ZNF222: variants seen among roughly 807,000 people sequenced by gnomAD.
ZNF222 encodes the protein zinc finger protein 222.
In ZNF222, 8 loss-of-function variants were observed where a neutral mutation model predicts 11.6. The observed-to-expected ratio is 0.69, with a 90% confidence interval of 0.41 to 1.25. The LOEUF (loss-of-function observed/expected upper bound fraction) is 1.25, where lower values mean the gene tolerates loss of function less well. Ranked by LOEUF, ZNF222 falls within the 50% of genes most tolerant of loss-of-function variation. The probability of loss-of-function intolerance (pLI) is 0.01; values close to 1 mark genes in which losing one functional copy is unlikely to be tolerated. For missense variants in ZNF222, 483 were observed against 576.1 expected (o/e 0.84, Z 1.65); for synonymous variants, 171 against 195.6 (o/e 0.87, Z 1.05).
rs527935705 is a variant in ZNF222, at chr19:44,031,941, T to G, written c.387T>G (p.Ser129Arg). The G allele has an allele frequency of 6.2e-7, 1 of 1,614,230 alleles. No individual in the cohort carries two copies. Among genetic ancestry groups the G allele is most frequent in the South Asian group, 1.1e-5 (1 of 91,086 alleles). Residue 129 changes from serine to arginine, a missense_variant, in exon 4 of 4, where the codon AGT (serine) becomes AGG (arginine). By Grantham distance (110) the Ser-to-Arg change is moderately radical. Transcript: ENST00000391960. ...CCAGGTCTCAAGATACCACCATAAG[T>G]AACTCTCAGTTATTTGAACAAGATG... is the stretch of plus-strand genomic sequence containing the variant. ...DLTRSQDTTISNSQLFEQDDN... is the reference protein window; with the variant it reads ...DLTRSQDTTIRNSQLFEQDDN...
Position 44,027,463 on chromosome 19 carries a change from A to C in ZNF222, c.235A>C (p.Thr79Pro). The change falls in exon 3 of 4, where the codon ACA becomes CCA. Residue 79 changes from threonine (T) to proline (P), a missense_variant. Coordinates refer to ENST00000391960, the MANE Select transcript of ZNF222 (RefSeq NM_001129996.2). ...LREEKFWVMG[T>P]TSQREGNLGG... ...GGAAGAAAAGTTTTGGGTGATGGGG[A>C]CAACAAGCCAAAGAGAAGGGAATTT... 1 of 1,614,048 alleles carries C rather than the reference A, an allele frequency of 6.2e-7. No homozygotes were observed. The highest frequency in any genetic ancestry group is 8.5e-7 in the Non-Finnish European group (1 of 1,179,996).
rs780611733 is a variant in ZNF222, at chr19:44,032,702, G to A, written c.1148G>A (p.Cys383Tyr). 1 of 1,614,250 alleles carries A rather than the reference G, an allele frequency of 6.2e-7. No individual in the cohort carries two copies. The highest frequency in any genetic ancestry group is 1.1e-5 in the South Asian group (1 of 91,090). The change falls in exon 4 of 4, where the codon TGT becomes TAT. Residue 383 changes from cysteine to tyrosine, a missense_variant. By Grantham distance (194) the Cys-to-Tyr change is radical. Coordinates refer to ENST00000391960, the MANE Select transcript of ZNF222 (RefSeq NM_001129996.2). The part of the protein sequence containing the change: ...RVHTGEKPYK[C>Y]EECGKGYISK... ...CACACTGGAGAAAAGCCATACAAAT[G>A]TGAGGAGTGTGGGAAGGGCTACATT... is the stretch of plus-strand genomic sequence containing the variant.
Position 44,032,520 on chromosome 19 carries a change from G to A in ZNF222, c.966G>A (p.Glu322=). 6.2e-7 allele frequency: 1 copy of A among 1,614,168 alleles called. No homozygotes were observed. The highest frequency in any genetic ancestry group is 8.5e-7 in the Non-Finnish European group (1 of 1,180,026). Residue 322 remains glutamate (E), a synonymous_variant, in exon 4 of 4, where the codon GAG becomes GAA. Coordinates refer to ENST00000391960, the MANE Select transcript of ZNF222 (RefSeq NM_001129996.2). Reference sequence around the variant, plus strand: ...GGCATTGCATGGTCCACACAGCAGAGAAACTGTACAAATCTGAAAAGTATG... The same window carrying A: ...GGCATTGCATGGTCCACACAGCAGAAAAACTGTACAAATCTGAAAAGTATG... ...LNRHCMVHTA[E]KLYKSEKYGR...
chr19:44,032,238 G>T lies in ZNF222; in HGVS notation c.684G>T (p.Leu228=), dbSNP rs761134590. 2.5e-6 allele frequency: 4 copies of T among 1,614,202 alleles called. No homozygotes were observed. In the South Asian group the frequency reaches 4.4e-5, roughly 18 times the overall value. ...AGGAATTTAGTCAGAGCTCACGTCT[G>T]CAAACTCATCAAAGAGTCCACACTG... ...CGKEFSQSSR[L]QTHQRVHTGE... The change falls in exon 4 of 4, where the codon CTG becomes CTT. Residue 228 remains leucine, a synonymous_variant. Coordinates refer to ENST00000391960, the MANE Select transcript of ZNF222 (RefSeq NM_001129996.2).
chr19:44,032,192 A>T lies in ZNF222; in HGVS notation c.638A>T (p.Tyr213Phe). The T allele has an allele frequency of 6.2e-7, 1 of 1,614,236 alleles. No individual in the cohort carries two copies. The highest frequency in any genetic ancestry group is 8.5e-7 in the Non-Finnish European group (1 of 1,180,042). ...AGGGTCCACATGGGAGTGAAATGCT[A>T]TAAGTGTGATGTGTGTGGTAAGGAA... ...HQRVHMGVKC[Y>F]KCDVCGKEFS... Residue 213 changes from tyrosine to phenylalanine, a missense_variant, in exon 4 of 4, where the codon TAT (tyrosine) becomes TTT (phenylalanine). Transcript: ENST00000391960.
At chr19:44,027,788 T>A (rs1284123156) in intron 3 of ZNF222, among the ~76,000 whole-genome samples, 1 of 152,172 alleles carries the variant, frequency 6.6e-6, no homozygotes, top group Non-Finnish European at 1.5e-5. Context: ...TGATCTGCCC[T>A]TCATCCCACA....
chr19:44,028,521 G>A (rs374307840), intron 3 of ZNF222: 5 of 341,642 alleles, frequency 1.5e-5, no homozygotes, highest in African/African-American at 6.3e-5. Flanking sequence ...GGGAGAGGTC[G>A]TCTCCAAGCA....
chr19:44,031,431 G>A (rs1292758707), intron 3 of ZNF222, among the ~76,000 whole-genome samples: 1 of 152,134 alleles, frequency 6.6e-6, no homozygotes, highest in East Asian at 1.9e-4. Context: ...GACTTCACTT[G>A]TCCACATGTC....
chr19:44,026,180 AT>A, intron 1 of ZNF222: 1 of 1,273,756 alleles, frequency 7.9e-7, no homozygotes, highest in South Asian at 1.2e-5. Context: ...GTCGATAATG[AT>A]TAAGCCTTAA....
At chr19:44,031,681 C>T (rs1976502547) in intron 3 of ZNF222, 136 bp from the exon 4 acceptor site, 2 of 925,112 alleles carry the variant, frequency 2.2e-6, no homozygotes, top group Non-Finnish European at 3.3e-6. Flanking sequence ...CAGGGCATCA[C>T]CATGTTGGCC....
In ZNF222 at chr19:44,032,107, C is replaced by T. The variant is rs182490853; in HGVS notation, c.553C>T (p.His185Tyr). 1.2e-6 allele frequency: 2 copies of T among 1,614,196 alleles called. No homozygotes were observed. Among genetic ancestry groups the T allele is most frequent in the African/African-American group, 2.7e-5 (2 of 75,058 alleles). ...GCAGTTATATTCAGGAGAGAAGTCT[C>T]ATACCTGTGATGAGTGTGGAAAAAG... The part of the protein sequence containing the change: ...PQQLYSGEKS[H>Y]TCDECGKSFC... Residue 185 changes from histidine to tyrosine, a missense_variant, in exon 4 of 4, where the codon CAT (histidine) becomes TAT (tyrosine). His to Tyr is a moderately conservative substitution (Grantham distance 83). Coordinates refer to ENST00000391960, the MANE Select transcript of ZNF222 (RefSeq NM_001129996.2).
chr19:44,026,125 T>C (rs1467784745), intron 1 of ZNF222: 1 of 1,599,708 alleles, frequency 6.3e-7, no homozygotes, highest in Admixed American at 1.7e-5. Context: ...ACAGAGATGC[T>C]TACCTCAACC....
chr19:44,028,086 CT>C (rs2147444071), intron 3 of ZNF222: 1 of 399,662 alleles, frequency 2.5e-6, no homozygotes, highest in South Asian at 1.3e-4. Context: ...ACTGTCCACA[CT>C]CCGTGGCTCT....
intron 1 of ZNF222, among the ~76,000 whole-genome samples, chr19:44,026,545 T>C (rs1215796427): frequency 1.6e-5 from 2 of 122,608 alleles, no homozygotes; most frequent in African/African-American, 8.3e-5. Flanking sequence ...TCTCTCTCTA[T>C]ATATATATAT....
chr19:44,029,759 A>G (rs1159802403), intron 3 of ZNF222, among the ~76,000 whole-genome samples: 4 of 152,234 alleles, frequency 2.6e-5, no homozygotes, highest in Non-Finnish European at 4.4e-5. Flanking sequence ...GATTCTTTCC[A>G]TTGGAAAAAC....
intron 3 of ZNF222, 52 bp downstream of exon 3, chr19:44,027,542 C>T: frequency 6.5e-7 from 1 of 1,546,414 alleles, no homozygotes; most frequent in Non-Finnish European, 8.9e-7. Flanking sequence ...TTACTTCTGT[C>T]CATGCCCATT....
At chr19:44,029,177 G>GTTTTTTTTTTTTTTTT (rs1568503536) in intron 3 of ZNF222, among the ~76,000 whole-genome samples, 1 of 125,916 alleles carries the variant, frequency 7.9e-6, no homozygotes, top group African/African-American at 3.2e-5. Context: ...ACAGTTGTTG[G>GTTTTTTTTTTTTTTTT]TTTGTTTTGT....
intron 3 of ZNF222, among the ~76,000 whole-genome samples, chr19:44,029,181 GTTTTGTTTTGTTTTTT>G (rs1487382489): frequency 5.3e-5 from 6 of 113,720 alleles, no homozygotes; most frequent in East Asian, 2.5e-4. Context: ...TTGTTGGTTT[GTTTTGTTTTGTTTTTT>G]TTTTTTTTTT....
chr19:44,027,618 G>A, intron 3 of ZNF222, 128 bp downstream of exon 3: 1 of 882,494 alleles, frequency 1.1e-6, no homozygotes, highest in Non-Finnish European at 1.8e-6. Flanking sequence ...CCCTGCTGAT[G>A]CCCCTGCTCC....
Sources: allele counts gnomAD v4.1 joint callset (sites outside exome capture counted in the v4.1 genomes callset), GRCh38; gene constraint gnomAD v4.1.1; transcripts MANE v1.5; gene names NCBI Gene and HGNC (gene_info 2026-07-23, HGNC 2026-07-21).